Variants in FAM110B observed in about 807,000 individuals in gnomAD.
FAM110B encodes the protein protein FAM110B.
Under a neutral mutation model 20.4 loss-of-function variants are expected in FAM110B, and 6 were observed. The observed-to-expected ratio is 0.29, with a 90% CI of 0.16 to 0.58. The LOEUF is 0.58. FAM110B is among the 20% of genes least tolerant of loss of function. FAM110B has a pLI of 0.90. For missense variants in FAM110B, 434 were observed against 498.2 expected (o/e 0.87, Z 1.23); for synonymous variants, 226 against 214.1 (o/e 1.06, Z -0.49).
At chr8:58,107,998 G>A (rs1278110160) in intron 3 of FAM110B, among the ~76,000 whole-genome samples, 2 of 152,200 alleles carry the variant, frequency 1.3e-5, no homozygotes, top group Non-Finnish European at 2.9e-5. Flanking sequence ...TTTTACTAAT[G>A]TAACGTCCCA....
chr8:58,146,658 A>G lies in FAM110B; in HGVS notation c.428A>G (p.Asn143Ser). The G allele has an allele frequency of 6.2e-7, 1 of 1,613,046 alleles. No homozygotes were observed. The highest frequency in any genetic ancestry group is 2.2e-5 in the East Asian group (1 of 44,832). Reference sequence around the variant, plus strand: ...TCGGGGCACAAGCACAGCTCCCGCAACTGGCCGCCCCACCGGTCGGAAGCC... The same window carrying G: ...TCGGGGCACAAGCACAGCTCCCGCAGCTGGCCGCCCCACCGGTCGGAAGCC... Reference protein sequence around the residue: ...SGSGHKHSSRNWPPHRSEATD... With the variant: ...SGSGHKHSSRSWPPHRSEATD... Residue 143 changes from asparagine to serine, a missense_variant, in exon 4 of 4, where the codon AAC (asparagine) becomes AGC (serine). Transcript: ENST00000519262.
chr8:58,036,637 G>A (rs915260195), intron 2 of FAM110B, among the ~76,000 whole-genome samples: 3 of 152,196 alleles, frequency 2.0e-5, no homozygotes, highest in South Asian at 2.1e-4. Context: ...ATCTGAATGG[G>A]ATAGATTAGT....
At chr8:58,132,781 A>T (rs1004368974) in intron 3 of FAM110B, among the ~76,000 whole-genome samples, 35 of 152,246 alleles carry the variant, frequency 2.3e-4, no homozygotes, top group African/African-American at 7.7e-4. Context: ...ACCAAATATC[A>T]GCAACTACCT....
chr8:58,078,919 G>A (rs997145557), intron 3 of FAM110B, among the ~76,000 whole-genome samples: 4 of 152,038 alleles, frequency 2.6e-5, no homozygotes, highest in Admixed American at 6.6e-5. Context: ...AACAACCCTC[G>A]TGCATTTATT....
At chr8:58,082,300 A>G (rs1297456328) in intron 3 of FAM110B, among the ~76,000 whole-genome samples, 1 of 152,220 alleles carries the variant, frequency 6.6e-6, no homozygotes, top group Non-Finnish European at 1.5e-5. Context: ...GCATGTAGAG[A>G]CAAACCATCT....
chr8:58,131,595 T>C (rs929832628), intron 3 of FAM110B, among the ~76,000 whole-genome samples: 1 of 152,360 alleles, frequency 6.6e-6, no homozygotes, highest in Non-Finnish European at 1.5e-5. Context: ...CCAAAACCCT[T>C]CTTATCTAAG....
chr8:58,031,669 A>G lies in FAM110B; in HGVS notation c.-448A>G, dbSNP rs575582386. On this transcript the variant is annotated 5_prime_UTR_variant, in exon 2 of 4. Coordinates refer to ENST00000519262, the MANE Select transcript of FAM110B (RefSeq NM_001377989.1). ...CTGTCTACGTCTTGAATTAGAAACT[A>G]TCAAGCTCTGTAAGTCCTGAAAAGG... The G allele has an allele frequency of 1.3e-5, 2 of 152,330 alleles. No individual in the cohort carries two copies. Among genetic ancestry groups the G allele is most frequent in the African/African-American group, 4.8e-5 (2 of 41,574 alleles). 9.4% of individuals were successfully genotyped at this position (152,330 alleles called of 1,614,324 possible).
intron 3 of FAM110B, among the ~76,000 whole-genome samples, chr8:58,085,953 T>C (rs1806321881): frequency 6.6e-6 from 1 of 152,218 alleles, no homozygotes; most frequent in African/African-American, 2.4e-5. Context: ...AATTTGTAAC[T>C]TTCCAAAATG....
chr8:58,044,195 A>G lies in FAM110B; in HGVS notation c.-414+12492A>G, dbSNP rs1004497818. Among the ~76,000 whole-genome samples, 6 of 152,342 alleles carry G rather than the reference A, an allele frequency of 3.9e-5. No homozygotes were observed. In the East Asian group the frequency reaches 1.2e-3, roughly 29 times the overall value. ...TAACATGTGTTCTCAGAGGCACTGC[A>G]TATACTCATACAAGTGAATAATGTG... On this transcript the variant is annotated intron_variant, in intron 2 of 3. Transcript: ENST00000519262.
At chr8:58,128,175 G>A (rs773795004) in intron 3 of FAM110B, among the ~76,000 whole-genome samples, 16 of 152,208 alleles carry the variant, frequency 1.1e-4, no homozygotes, top group Middle Eastern at 3.4e-3. Flanking sequence ...GGAAGGTGCT[G>A]TTATTATCCC....
intron 3 of FAM110B, among the ~76,000 whole-genome samples, chr8:58,083,491 A>AT (rs1252379899): frequency 1.3e-5 from 2 of 152,162 alleles, no homozygotes; most frequent in African/African-American, 4.8e-5. Context: ...TTATTTATTC[A>AT]TTTTTTAAAT....
At chr8:58,071,493 C>A (rs184949462) in intron 2 of FAM110B, among the ~76,000 whole-genome samples, 1 of 152,140 alleles carries the variant, frequency 6.6e-6, no homozygotes, top group Admixed American at 6.5e-5. Flanking sequence ...AAAAACTAAA[C>A]GTTGCAATTT....
At chr8:58,096,501 C>A (rs150975554) in intron 3 of FAM110B, among the ~76,000 whole-genome samples, 1,632 of 152,194 alleles carry the variant, frequency 0.011, 20 homozygotes, top group East Asian at 0.06. Context: ...ATCCAATTTG[C>A]CAGTCTGTGT....
intron 3 of FAM110B, among the ~76,000 whole-genome samples, chr8:58,122,552 A>G (rs1023176931): frequency 3.3e-5 from 5 of 152,096 alleles, no homozygotes; most frequent in African/African-American, 9.7e-5. Flanking sequence ...TATTTCTTCA[A>G]GCCCACCTAT....
intron 3 of FAM110B, among the ~76,000 whole-genome samples, chr8:58,085,224 C>T (rs139774819): frequency 3.9e-5 from 6 of 152,240 alleles, no homozygotes; most frequent in African/African-American, 1.2e-4. Context: ...AAAGCTGATG[C>T]ACATGTAGGC....
chr8:58,125,414 A>T (rs537091874), intron 3 of FAM110B, among the ~76,000 whole-genome samples: 2 of 152,346 alleles, frequency 1.3e-5, no homozygotes, highest in Admixed American at 1.3e-4. Context: ...TTCTTATCTC[A>T]TCTTCTCAAT....
intron 2 of FAM110B, among the ~76,000 whole-genome samples, chr8:58,046,374 C>T (rs1306460076): frequency 1.3e-5 from 2 of 152,130 alleles, no homozygotes; most frequent in Admixed American, 1.3e-4. Flanking sequence ...TAGTTTTTGT[C>T]ATTCTGAAGA....
At chr8:58,003,724 C>T (rs1804347957) in intron 1 of FAM110B, among the ~76,000 whole-genome samples, 1 of 152,308 alleles carries the variant, frequency 6.6e-6, no homozygotes, top group South Asian at 2.1e-4. Context: ...CAACAATGGT[C>T]TTAAAATATT....
At chr8:58,044,360 A>G (rs1284806963) in intron 2 of FAM110B, among the ~76,000 whole-genome samples, 1 of 152,254 alleles carries the variant, frequency 6.6e-6, no homozygotes, top group Non-Finnish European at 1.5e-5. Context: ...TCAGGAACAT[A>G]CAGAAAACAA....
Sources: allele counts gnomAD v4.1 joint callset (sites outside exome capture counted in the v4.1 genomes callset), GRCh38; gene constraint gnomAD v4.1.1; transcripts MANE v1.5; gene names NCBI Gene and HGNC (gene_info 2026-07-23, HGNC 2026-07-21).